Variants in VPS50 observed in about 807,000 individuals in gnomAD.
VPS50 encodes VPS50 subunit of EARP/GARPII complex, also known as syndetin.
Under a neutral mutation model 139.7 loss-of-function variants are expected in VPS50, and 70 were observed. The observed-to-expected ratio is 0.50, with a 90% CI of 0.41 to 0.61. The LOEUF (loss-of-function observed/expected upper bound fraction) is 0.61, where lower values mean the gene tolerates loss of function less well. Among genes scored for constraint, VPS50 ranks in the 20% least tolerant of loss-of-function variants. VPS50 has a pLI of 0.00. For missense variants in VPS50, 921 were observed against 1,133.7 expected (o/e 0.81, Z 2.69); for synonymous variants, 365 against 376.7 (o/e 0.97, Z 0.36).
intron 16 of VPS50, among the ~76,000 whole-genome samples, chr7:93,298,860 A>C (rs535543746): frequency 6.1e-4 from 93 of 152,316 alleles, no homozygotes; most frequent in Middle Eastern, 3.4e-3. Context: ...GGGTTGAGTA[A>C]TAGTAGACTT....
At chr7:93,291,872 C>A in intron 13 of VPS50, 37 bp downstream of exon 13, 3 of 1,396,146 alleles carry the variant, frequency 2.1e-6, no homozygotes, top group South Asian at 1.4e-5. Flanking sequence ...AAAAATTGAA[C>A]TATAAATATC....
intron 22 of VPS50, among the ~76,000 whole-genome samples, chr7:93,336,638 C>T (rs1257105880): frequency 2.6e-5 from 4 of 152,184 alleles, no homozygotes; most frequent in African/African-American, 4.8e-5. Context: ...CTCAGCCTCC[C>T]GAGTAGCTGG....
chr7:93,339,499 G>C (rs1798156197), intron 22 of VPS50, among the ~76,000 whole-genome samples: 1 of 152,148 alleles, frequency 6.6e-6, no homozygotes. Context: ...TCAAGTTGCT[G>C]TAAAAAGTAA....
At chr7:93,301,771 C>T (rs1340112923) in intron 16 of VPS50, among the ~76,000 whole-genome samples, 1 of 152,146 alleles carries the variant, frequency 6.6e-6, no homozygotes, top group South Asian at 2.1e-4. Context: ...CCATAGGAAA[C>T]TAATATAGAG....
At chr7:93,232,658 C>T (rs1794670407) in intron 1 of VPS50, among the ~76,000 whole-genome samples, 158 bp downstream of exon 1, 1 of 152,004 alleles carries the variant, frequency 6.6e-6, no homozygotes, top group African/African-American at 2.4e-5. Context: ...GAAAACTCAC[C>T]TGGGCCGCCT....
At chr7:93,241,045 T>C (rs1022319566) in intron 2 of VPS50, among the ~76,000 whole-genome samples, 2 of 152,188 alleles carry the variant, frequency 1.3e-5, no homozygotes, top group African/African-American at 4.8e-5. Context: ...TCCTAATTAA[T>C]TGACAATAAT....
chr7:93,356,400 T>A (rs993103490), intron 27 of VPS50, among the ~76,000 whole-genome samples: 1 of 152,166 alleles, frequency 6.6e-6, no homozygotes, highest in East Asian at 1.9e-4. Context: ...TGATAAATAC[T>A]GAGACAGATT....
chr7:93,313,780 G>A (rs568516453), intron 20 of VPS50, among the ~76,000 whole-genome samples: 3 of 152,228 alleles, frequency 2.0e-5, no homozygotes, highest in African/African-American at 7.2e-5. Context: ...GTAAAGTATG[G>A]CACAGTCCTG....
At chr7:93,246,515 A>G (rs1278338126) in intron 2 of VPS50, among the ~76,000 whole-genome samples, 1 of 151,902 alleles carries the variant, frequency 6.6e-6, no homozygotes. Flanking sequence ...TGTTTGAATA[A>G]AAACTAGTAC....
intron 22 of VPS50, among the ~76,000 whole-genome samples, chr7:93,338,965 T>C (rs758298768): frequency 6.6e-6 from 1 of 152,154 alleles, no homozygotes; most frequent in Non-Finnish European, 1.5e-5. Context: ...GGTGTCTGTT[T>C]AGGCATGTTT....
At chr7:93,347,995 A>G (rs7780261) in intron 23 of VPS50, among the ~76,000 whole-genome samples, 76,698 of 150,914 alleles carry the variant, frequency 0.51, 21,229 homozygotes, top group African/African-American at 0.74. Flanking sequence ...TAAAAAAAAG[A>G]AAAAAAAAAG....
At position 93,308,924 on chromosome 7, in the gene VPS50, G is replaced by T; in HGVS notation, c.1730G>T (p.Gly577Val). 2 of 1,575,976 alleles carry T rather than the reference G, an allele frequency of 1.3e-6. No homozygotes were observed. The highest frequency in any genetic ancestry group is 1.7e-6 in the Non-Finnish European group (2 of 1,146,298). Reference sequence around the variant, plus strand: ...CGAGACTATGTGGATGAGCAGACAGGAGATGGTCCTGTGAAAAGGTGATTG... The same window carrying T: ...CGAGACTATGTGGATGAGCAGACAGTAGATGGTCCTGTGAAAAGGTGATTG... ...LKRDYVDEQTGDGPVKSVSRE... is the reference protein window; with the variant it reads ...LKRDYVDEQTVDGPVKSVSRE... Residue 577 changes from glycine to valine, a missense_variant, in exon 19 of 28, where the codon GGA becomes GTA. Coordinates refer to ENST00000305866, the MANE Select transcript of VPS50 (RefSeq NM_017667.4).
chr7:93,299,634 G>A (rs1796918106), intron 16 of VPS50, among the ~76,000 whole-genome samples: 1 of 152,076 alleles, frequency 6.6e-6, no homozygotes, highest in Non-Finnish European at 1.5e-5. Context: ...TTTTGTTTTG[G>A]TGGAACATCT....
chr7:93,272,233 C>G (rs962558768), intron 10 of VPS50, among the ~76,000 whole-genome samples: 1 of 151,678 alleles, frequency 6.6e-6, no homozygotes, highest in South Asian at 2.1e-4. Flanking sequence ...GTTGAGAATT[C>G]CTTTTCGTTG....
intron 2 of VPS50, among the ~76,000 whole-genome samples, chr7:93,240,422 T>C (rs1794953929): frequency 6.6e-6 from 1 of 152,210 alleles, no homozygotes; most frequent in Non-Finnish European, 1.5e-5. Flanking sequence ...GTATTTATAC[T>C]GAATTGTATA....
intron 12 of VPS50, among the ~76,000 whole-genome samples, chr7:93,284,768 G>T (rs1483540071): frequency 6.6e-6 from 1 of 152,190 alleles, no homozygotes; most frequent in Non-Finnish European, 1.5e-5. Flanking sequence ...TACATGAATT[G>T]CTATGCAGGA....
At chr7:93,245,546 G>T (rs1428685565) in intron 2 of VPS50, among the ~76,000 whole-genome samples, 3 of 151,884 alleles carry the variant, frequency 2.0e-5, no homozygotes, top group African/African-American at 7.2e-5. Context: ...TTCAGTGTTA[G>T]CCCCAGAAAG....
At chr7:93,316,024 T>A (rs1009696259) in intron 20 of VPS50, among the ~76,000 whole-genome samples, 3 of 152,152 alleles carry the variant, frequency 2.0e-5, no homozygotes, top group Non-Finnish European at 4.4e-5. Flanking sequence ...GAAAGAATGA[T>A]GATTAATTTT....
chr7:93,267,299 A>G (rs1202902137), intron 9 of VPS50, among the ~76,000 whole-genome samples: 1 of 152,124 alleles, frequency 6.6e-6, no homozygotes, highest in East Asian at 1.9e-4. Flanking sequence ...TGATAGAGGA[A>G]CTGTCTTTAA....
Sources: gnomAD v4.1 joint callset for allele counts (sites outside exome capture counted in the v4.1 genomes callset) on GRCh38, gnomAD v4.1.1 for gene constraint, MANE v1.5 for transcripts, NCBI Gene and HGNC (gene_info 2026-07-23, HGNC 2026-07-21) for gene names.